The following LDB2 variants were observed in gnomAD, a reference collection of about 807,000 sequenced individuals.
The protein encoded by LDB2 is LIM domain-binding protein 2.
In LDB2, 12 loss-of-function variants were observed where a neutral mutation model predicts 44.3. The ratio of observed to expected loss-of-function variants is 0.27; its 90% confidence interval spans 0.17 to 0.44. LDB2 has a LOEUF of 0.44. Among genes scored for constraint, LDB2 ranks in the 20% least tolerant of loss-of-function variants. The probability of loss-of-function intolerance (pLI) is 1.00; values close to 1 mark genes in which losing one functional copy is unlikely to be tolerated. For synonymous variants in LDB2, 164 were observed against 174.8 expected (o/e 0.94, Z 0.49); for missense variants, 344 against 473.5 (o/e 0.73, Z 2.54).
intron 1 of LDB2, among the ~76,000 whole-genome samples, chr4:16,763,116 C>T (rs1768310538): frequency 8.8e-6 from 1 of 113,562 alleles, no homozygotes; most frequent in African/African-American, 3.2e-5. Context: ...CACACACACA[C>T]ACGTAATTGG....
At chr4:16,532,669 CT>C (rs1185113753) in intron 5 of LDB2, among the ~76,000 whole-genome samples, 10 of 152,228 alleles carry the variant, frequency 6.6e-5, no homozygotes, top group Admixed American at 5.9e-4. Flanking sequence ...ATAAATGTTG[CT>C]TTTTTCCCCC....
intron 5 of LDB2, among the ~76,000 whole-genome samples, chr4:16,515,485 C>T (rs1723302286): frequency 1.3e-5 from 2 of 152,192 alleles, no homozygotes; most frequent in Non-Finnish European, 2.9e-5. Context: ...CAGACTACTT[C>T]ATTGCCTTTC....
At chr4:16,544,869 T>C (rs1317304547) in intron 5 of LDB2, among the ~76,000 whole-genome samples, 2 of 151,946 alleles carry the variant, frequency 1.3e-5, no homozygotes, top group African/African-American at 4.8e-5. Flanking sequence ...ATGAAGGAGT[T>C]GTCAGCTTAG....
intron 1 of LDB2, among the ~76,000 whole-genome samples, chr4:16,782,834 T>C (rs993620396): frequency 6.6e-6 from 1 of 152,040 alleles, no homozygotes; most frequent in Admixed American, 6.6e-5. Flanking sequence ...CCTTGTTATC[T>C]AGAGGGGGAG....
In LDB2 at chr4:16,822,466, A is replaced by G. The variant is rs190139729; in HGVS notation, c.133-63206T>C. ...TTCCTCTCAGGGGTCTGGTCTTCCC[A>G]TACTCTCTACATAATCTTAGTTTTC... is the stretch of plus-strand genomic sequence containing the variant. On this transcript the variant is annotated intron_variant, in intron 1 of 7. Coordinates refer to ENST00000304523, the MANE Select transcript of LDB2 (RefSeq NM_001290.5). Among the ~76,000 whole-genome samples the G allele has an allele frequency of 9.0e-4, 137 of 152,210 alleles. No homozygotes were observed. In the East Asian group the frequency reaches 0.012, roughly 14 times the overall value.
At chr4:16,848,479 AT>A (rs1787534551) in intron 1 of LDB2, among the ~76,000 whole-genome samples, 2 of 152,240 alleles carry the variant, frequency 1.3e-5, no homozygotes, top group Non-Finnish European at 2.9e-5. Flanking sequence ...GTACACATGA[AT>A]AGAAGCTGCA....
chr4:16,521,873 CAT>C (rs1030501175), intron 5 of LDB2, among the ~76,000 whole-genome samples: 21 of 152,150 alleles, frequency 1.4e-4, no homozygotes, highest in African/African-American at 4.1e-4. Flanking sequence ...GATTGACATA[CAT>C]AGTTTATAAG....
intron 1 of LDB2, among the ~76,000 whole-genome samples, chr4:16,862,660 A>T (rs1357796704): frequency 7.1e-6 from 1 of 140,896 alleles, no homozygotes; most frequent in Non-Finnish European, 1.6e-5. Context: ...AAAAAAAAAA[A>T]AAAAGGAGCC....
chr4:16,557,893 A>G (rs1484141176), intron 5 of LDB2, among the ~76,000 whole-genome samples: 10 of 152,246 alleles, frequency 6.6e-5, no homozygotes, highest in Non-Finnish European at 1.5e-5. Flanking sequence ...ATCAGACAGC[A>G]GCATTCGTGG....
intron 3 of LDB2, among the ~76,000 whole-genome samples, chr4:16,591,366 G>A (rs1293205084): frequency 1.3e-5 from 2 of 152,088 alleles, no homozygotes; most frequent in Non-Finnish European, 2.9e-5. Context: ...GACCTTTCTT[G>A]CAGTCAAATT....
chr4:16,685,069 AG>A (rs370233334), intron 2 of LDB2, among the ~76,000 whole-genome samples: 8 of 152,364 alleles, frequency 5.3e-5, no homozygotes, highest in African/African-American at 1.4e-4. Context: ...TGTCATGTAT[AG>A]CTTGGAAAGG....
chr4:16,704,200 A>C (rs560113535), intron 2 of LDB2, among the ~76,000 whole-genome samples: 1 of 152,168 alleles, frequency 6.6e-6, no homozygotes, highest in African/African-American at 2.4e-5. Flanking sequence ...CCAGAACTAC[A>C]AAAACCCCTG....
In LDB2 at chr4:16,533,288, C is replaced by A. The variant is rs187003642; in HGVS notation, c.616-21184G>T. Among the ~76,000 whole-genome samples, 10 of 151,850 alleles carry A rather than the reference C, an allele frequency of 6.6e-5. No individual in the cohort carries two copies. In the East Asian group the frequency reaches 1.4e-3, roughly 21 times the overall value. On this transcript the variant is annotated intron_variant, in intron 5 of 7. Coordinates refer to ENST00000304523, the MANE Select transcript of LDB2 (RefSeq NM_001290.5). This position sits in a 1 kb window ranked among gnomAD's most constrained non-coding sequence, Gnocchi z 4.1. ...CTCGGTGCTATCAACATGTGATTAA[C>A]CTCTAGTCTGAGGTTAAGGATCCCA...
rs186851831 is a variant in LDB2 at position 16,575,871 on chromosome 4, G to A, written c.615+10051C>T. On this transcript the variant is annotated intron_variant, in intron 5 of 7. Transcript: ENST00000304523. ...TCTGCCTCAGTCTCCCAAGTAGCTGGGATTACAGGCACCTGCCATCACGCC... is the reference window on the plus strand; with the variant it reads ...TCTGCCTCAGTCTCCCAAGTAGCTGAGATTACAGGCACCTGCCATCACGCC... Among the ~76,000 whole-genome samples the A allele has an allele frequency of 1.8e-4, 27 of 152,232 alleles. No homozygotes were observed. In the East Asian group the frequency reaches 2.7e-3, roughly 15 times the overall value.
intron 1 of LDB2, among the ~76,000 whole-genome samples, chr4:16,850,315 G>C (rs1366496452): frequency 1.3e-5 from 2 of 152,018 alleles, no homozygotes; most frequent in African/African-American, 4.8e-5. Flanking sequence ...CCTATTAGCT[G>C]AACCTCCTTG....
intron 1 of LDB2, among the ~76,000 whole-genome samples, chr4:16,770,030 T>A (rs2109334339): frequency 1.3e-5 from 2 of 152,338 alleles, no homozygotes; most frequent in Middle Eastern, 6.8e-3. Context: ...AATCAGTAAT[T>A]AATTCTGAGC....
chr4:16,635,613 G>T (rs1182625594), intron 2 of LDB2, among the ~76,000 whole-genome samples: 2 of 152,026 alleles, frequency 1.3e-5, no homozygotes, highest in African/African-American at 2.4e-5. Flanking sequence ...GGGATGTTTT[G>T]TCTATAGCAA....
At chr4:16,689,825 A>C (rs61514361) in intron 2 of LDB2, among the ~76,000 whole-genome samples, 10,946 of 152,254 alleles carry the variant, frequency 0.072, 586 homozygotes, top group East Asian at 0.33. Context: ...ATTTCTGTAA[A>C]TCACTTACTA....
intron 2 of LDB2, among the ~76,000 whole-genome samples, chr4:16,728,850 A>C (rs1760111793): frequency 7.0e-6 from 1 of 142,028 alleles, no homozygotes; most frequent in Admixed American, 7.0e-5. Context: ...TAATAATCTC[A>C]CTAAAAATAA....
Sources: gnomAD v4.1 joint callset for allele counts (sites outside exome capture counted in the v4.1 genomes callset) on GRCh38, gnomAD v4.1.1 for gene constraint, Gnocchi (gnomAD v3.1) non-coding constraint, MANE v1.5 for transcripts, NCBI Gene and HGNC (gene_info 2026-07-23, HGNC 2026-07-21) for gene names.